The following CHM variants were observed in gnomAD, a reference collection of about 807,000 sequenced individuals.
The protein encoded by CHM is CHM Rab escort protein, also known as rab proteins geranylgeranyltransferase component A 1.
In CHM, 10 loss-of-function variants were observed where a neutral mutation model predicts 49.0. The observed-to-expected ratio is 0.20, with a 90% CI of 0.13 to 0.35. CHM has a LOEUF of 0.35. Ranked by LOEUF, CHM falls within the 10% of genes least tolerant of loss-of-function variation. The pLI, the probability that CHM is intolerant of heterozygous loss-of-function variation, is 1.00. For missense variants in CHM, 455 were observed against 478.4 expected (o/e 0.95, Z 0.46); for synonymous variants, 184 against 167.5 (o/e 1.10, Z -0.76).
At chrX:86,004,519 T>A (rs1362950864) in intron 2 of CHM, among the ~76,000 whole-genome samples, 1 of 110,998 alleles carries the variant, frequency 9.0e-6, no homozygotes, top group Non-Finnish European at 1.9e-5. Context: ...AAGACCAATC[T>A]CACAGGCAAA....
chrX:85,900,410 A>AAAAGAAT (rs1472083262), intron 11 of CHM, among the ~76,000 whole-genome samples: 2 of 111,616 alleles, frequency 1.8e-5, no homozygotes, highest in African/African-American at 6.5e-5. Context: ...CAGTTACACA[A>AAAAGAAT]AAAGAATAAG....
chrX:85,886,741 TATC>T (rs950392831), intron 12 of CHM, among the ~76,000 whole-genome samples: 50 of 110,010 alleles, frequency 4.5e-4, no homozygotes, highest in African/African-American at 1.6e-3. Flanking sequence ...CAAGAAAATA[TATC>T]ATTAAAGTCT....
In CHM at chrX:85,958,899, T is replaced by C; in HGVS notation, c.781A>G (p.Thr261Ala). Residue 261 changes from threonine to alanine, a missense_variant, in exon 6 of 15, where the codon ACC becomes GCC. By Grantham distance (58) the Thr-to-Ala change is moderately conservative. Coordinates refer to ENST00000357749, the MANE Select transcript of CHM (RefSeq NM_000390.4). ...CCTTCTCGAAATGCAAGAATCCTGGTAATATTTTTAAACTCTGCATATCGA... is the reference window on the plus strand; with the variant it reads ...CCTTCTCGAAATGCAAGAATCCTGGCAATATTTTTAAACTCTGCATATCGA... ...VSRYAEFKNI[T>A]RILAFREGRV... The C allele has an allele frequency of 8.3e-7, 1 of 1,211,685 alleles. No individual in the cohort carries two copies. Among genetic ancestry groups the C allele is most frequent in the South Asian group, 1.8e-5 (1 of 56,979 alleles).
At chrX:86,013,039 T>C (rs1406322308) in intron 2 of CHM, among the ~76,000 whole-genome samples, 1 of 111,693 alleles carries the variant, frequency 9.0e-6, no homozygotes, top group Non-Finnish European at 1.9e-5. Flanking sequence ...GTGGTGCCTT[T>C]GCTTTAGCCT....
intron 1 of CHM, among the ~76,000 whole-genome samples, chrX:86,033,519 G>A (rs1258643932): frequency 8.9e-6 from 1 of 112,068 alleles, no homozygotes; most frequent in East Asian, 2.8e-4. Flanking sequence ...AGGAAAAACA[G>A]AATTGCTGGC....
At chrX:86,022,706 T>TCTTC in intron 2 of CHM, among the ~76,000 whole-genome samples, 1 of 111,232 alleles carries the variant, frequency 9.0e-6, no homozygotes, top group East Asian at 2.8e-4. Flanking sequence ...CAGCTCTAGA[T>TCTTC]CTTCCACTCA....
intron 9 of CHM, among the ~76,000 whole-genome samples, chrX:85,902,325 T>C (rs1388761040): frequency 9.0e-6 from 1 of 111,478 alleles, no homozygotes; most frequent in Non-Finnish European, 1.9e-5. Context: ...AAAAATAAAA[T>C]GACTAACACT....
intron 2 of CHM, among the ~76,000 whole-genome samples, chrX:86,022,463 C>A (rs1933646966): frequency 9.0e-6 from 1 of 111,108 alleles, no homozygotes; most frequent in Admixed American, 9.6e-5. Context: ...GGAGTGAAGT[C>A]GCCATATATG....
chrX:85,894,485 C>T lies in CHM; in HGVS notation c.1414-201G>A, dbSNP rs1213806670. ...TTTTCATAATTCTCATAGATAATAA[C>T]TTTTAAATATCTTTAATATTTATTA... On this transcript the variant is annotated intron_variant, in intron 11 of 14. Coordinates refer to ENST00000357749, the MANE Select transcript of CHM (RefSeq NM_000390.4). 9.0e-5 allele frequency among the ~76,000 whole-genome samples: 10 copies of T among 111,420 alleles called. No homozygotes were observed. The East Asian group carries it at 2.5e-3, about 28-fold the overall frequency.
At chrX:86,030,191 T>A (rs1933985242) in intron 1 of CHM, among the ~76,000 whole-genome samples, 1 of 112,446 alleles carries the variant, frequency 8.9e-6, no homozygotes, top group Non-Finnish European at 1.9e-5. Flanking sequence ...ATACTGAACA[T>A]GATTTGAGTC....
At chrX:85,975,720 T>C (rs775093840) in intron 4 of CHM, among the ~76,000 whole-genome samples, 2 of 112,360 alleles carry the variant, frequency 1.8e-5, no homozygotes, top group African/African-American at 6.5e-5. Context: ...CTTGTGGTGA[T>C]AGAACTGTTC....
intron 13 of CHM, among the ~76,000 whole-genome samples, chrX:85,876,078 T>C (rs1266500925): frequency 8.9e-6 from 1 of 111,866 alleles, no homozygotes; most frequent in African/African-American, 3.2e-5. Flanking sequence ...TAGATATTTC[T>C]CCAGAGAAGA....
At chrX:85,929,094 T>C (rs1463232556) in intron 8 of CHM, among the ~76,000 whole-genome samples, 5 of 111,311 alleles carry the variant, frequency 4.5e-5, no homozygotes, top group Non-Finnish European at 9.4e-5. Flanking sequence ...AGCTTGAACG[T>C]AAGAAATTAG....
At chrX:85,992,572 T>C (rs908639054) in intron 2 of CHM, among the ~76,000 whole-genome samples, 1 of 111,749 alleles carries the variant, frequency 8.9e-6, no homozygotes, top group Non-Finnish European at 1.9e-5. Flanking sequence ...TCTCATTTAC[T>C]GTAAGTTCCA....
At chrX:85,881,003 ATTAATC>A (rs1277484936) in intron 12 of CHM, among the ~76,000 whole-genome samples, 1 of 112,035 alleles carries the variant, frequency 8.9e-6, no homozygotes, top group Non-Finnish European at 1.9e-5. Context: ...ACATTTGTTT[ATTAATC>A]TTAATATATC....
At chrX:86,012,500 T>G (rs1448921682) in intron 2 of CHM, among the ~76,000 whole-genome samples, 2 of 111,346 alleles carry the variant, frequency 1.8e-5, no homozygotes, top group African/African-American at 6.5e-5. Flanking sequence ...TAACTAAAAT[T>G]TCTATACATC....
intron 9 of CHM, among the ~76,000 whole-genome samples, chrX:85,906,151 TAG>T (rs1926576253): frequency 8.9e-6 from 1 of 111,801 alleles, no homozygotes; most frequent in South Asian, 3.8e-4. Context: ...GTGAATAGTG[TAG>T]AGACAGGAAA....
rs191409031 is a variant in CHM, at chrX:85,915,636, C to T, written c.1167-4298G>A. Among the ~76,000 whole-genome samples, 328 of 112,117 alleles carry T rather than the reference C, an allele frequency of 2.9e-3. 3 individuals are homozygous for T. The highest frequency in any genetic ancestry group is 0.01 in the African/African-American group (315 of 30,873). The stretch of plus-strand genomic sequence containing the variant: ...AAAATCAATGTACAAAAATCACTAG[C>T]ATTCCTATACACCAACAACTGTCAA... On this transcript the variant is annotated intron_variant, in intron 8 of 14. Transcript: ENST00000357749.
intron 13 of CHM, among the ~76,000 whole-genome samples, chrX:85,875,763 ATGAG>A (rs1314348200): frequency 9.0e-6 from 1 of 111,598 alleles, no homozygotes; most frequent in African/African-American, 3.3e-5. Context: ...GAGATAGAAA[ATGAG>A]TGAGACGCTT....
Sources: allele counts gnomAD v4.1 joint callset (sites outside exome capture counted in the v4.1 genomes callset), GRCh38; gene constraint gnomAD v4.1.1; transcripts MANE v1.5; gene names NCBI Gene and HGNC (gene_info 2026-07-23, HGNC 2026-07-21).